The following CFAP46 variants were observed in gnomAD, a reference collection of about 807,000 sequenced individuals.
The protein encoded by CFAP46 is cilia and flagella associated protein 46, also known as cilia- and flagella-associated protein 46.
A neutral mutation model predicts 325.7 loss-of-function variants in CFAP46; 245 were observed. The observed-to-expected ratio is 0.75, with a 90% CI of 0.68 to 0.84. CFAP46 has a LOEUF of 0.84. Among genes scored for constraint, CFAP46 ranks in the 40% least tolerant of loss-of-function variants. The pLI is 0.00. For synonymous variants in CFAP46, 1,523 were observed against 1,495.9 expected, an observed-to-expected ratio of 1.02 and a Z score of -0.42; for missense variants, 3,346 against 3,543.0, an observed-to-expected ratio of 0.94 and a Z score of 1.41.
rs1001038917 is a variant in CFAP46, at chr10:132,869,895, T to C, written c.4512-523A>G. On this transcript the variant is annotated intron_variant, in intron 32 of 57. Coordinates refer to ENST00000368586, the MANE Select transcript of CFAP46 (RefSeq NM_001200049.3). The surrounding 1 kb of genome is among the most constrained non-coding windows in gnomAD (Gnocchi z 6.2). ...AACTTGCAGCCTTTCTCCCGGATCC[T>C]TCAGGGCACAGGCGCCTCCATTTAT... Among the ~76,000 whole-genome samples the C allele has an allele frequency of 2.6e-5, 4 of 152,154 alleles. No individual in the cohort carries two copies. The South Asian group carries it at 6.2e-4, about 24-fold the overall frequency.
At chr10:132,906,930 G>A (rs1354403109) in intron 22 of CFAP46, among the ~76,000 whole-genome samples, 1 of 152,274 alleles carries the variant, frequency 6.6e-6, no homozygotes, top group Non-Finnish European at 1.5e-5. Flanking sequence ...GGGGGGCCTG[G>A]TACATGGTAT....
chr10:132,939,849 G>A lies in CFAP46; in HGVS notation c.372-1096C>T, dbSNP rs762884454. Among the ~76,000 whole-genome samples, 5 of 152,126 alleles carry A rather than the reference G, an allele frequency of 3.3e-5. No individual in the cohort carries two copies. The highest frequency in any genetic ancestry group is 7.4e-5 in the Non-Finnish European group (5 of 68,006). ...TTCCCACTGTGGCCTCCACATGCCC[G>A]TGGTTGGGCTCACAGTCTCCTGTCC... On this transcript the variant is annotated intron_variant, in intron 4 of 57. Transcript: ENST00000368586. This position sits in a 1 kb window ranked among gnomAD's most constrained non-coding sequence, Gnocchi z 4.6.
chr10:132,823,471 A>AGTGCTGATGTGTGCTGT (rs1426954011), intron 50 of CFAP46, among the ~76,000 whole-genome samples: 3 of 79,980 alleles, frequency 3.8e-5, no homozygotes, highest in Non-Finnish European at 4.7e-5. Context: ...GTGCTGTGTG[A>AGTGCTGATGTGTGCTGT]GTGCTGATGT....
intron 32 of CFAP46, 114 bp downstream of exon 32, chr10:132,872,562 A>G: frequency 8.2e-7 from 1 of 1,213,874 alleles, no homozygotes; most frequent in Middle Eastern, 1.9e-4. Flanking sequence ...TTGGTGTTCA[A>G]GTCCCAGGGA....
chr10:132,934,472 C>T (rs917788740), intron 8 of CFAP46, among the ~76,000 whole-genome samples: 2 of 152,210 alleles, frequency 1.3e-5, no homozygotes, highest in African/African-American at 2.4e-5. Flanking sequence ...TGGAACGCCA[C>T]GCAGCCACCA....
rs900644894 is a variant in CFAP46, at chr10:132,868,123, G to A, written c.4611-616C>T. On this transcript the variant is annotated intron_variant, in intron 33 of 57. Transcript: ENST00000368586. ...GTCCTCTGACCTCTGACCCTCTCCC[G>A]AGGCCTGCACGCCCCTCTGCCCAGG... Among the ~76,000 whole-genome samples the A allele has an allele frequency of 4.6e-5, 7 of 152,246 alleles. 2 individuals are homozygous for A. The highest frequency in any genetic ancestry group is 4.8e-5 in the African/African-American group (2 of 41,556).
chr10:132,844,260 C>T lies in CFAP46; in HGVS notation c.6438+1797G>A, dbSNP rs1046115919. 7.9e-5 allele frequency among the ~76,000 whole-genome samples: 12 copies of T among 152,086 alleles called. No individual in the cohort carries two copies. The East Asian group carries it at 1.7e-3, about 22-fold the overall frequency. Reference sequence around the variant, plus strand: ...TCCTAGCTGCAGCGCAGTGACCTCTCCTGTCCTGGCTGCAGGCTCGCTCCT... The same window carrying T: ...TCCTAGCTGCAGCGCAGTGACCTCTTCTGTCCTGGCTGCAGGCTCGCTCCT... On this transcript the variant is annotated intron_variant, in intron 44 of 57. Coordinates refer to ENST00000368586, the MANE Select transcript of CFAP46 (RefSeq NM_001200049.3).
At chr10:132,840,924 G>C (rs1372771546) in intron 44 of CFAP46, among the ~76,000 whole-genome samples, 1 of 152,166 alleles carries the variant, frequency 6.6e-6, no homozygotes, top group Non-Finnish European at 1.5e-5. Flanking sequence ...GTCCGGGGTG[G>C]CACAGGGCAT....
rs553427965 is a variant in CFAP46 at position 132,924,827 on chromosome 10, G to T, written c.1125C>A (p.Gly375=). Residue 375 remains glycine, a synonymous_variant, in exon 11 of 58, where the codon GGC becomes GGA. Transcript: ENST00000368586. The part of the protein sequence containing the change: ...DVALQRAVRL[G]DPRVIHVVCA... ...ACACCACGTGGATGACCCGGGGGTCGCCCAGGCGCACGGCTCGCTGCAGCG... is the reference window on the plus strand; with the variant it reads ...ACACCACGTGGATGACCCGGGGGTCTCCCAGGCGCACGGCTCGCTGCAGCG... 24 of 1,455,580 alleles carry T rather than the reference G, an allele frequency of 1.6e-5. No individual in the cohort carries two copies. The South Asian group carries it at 2.3e-4, about 14-fold the overall frequency. 90.2% of individuals were successfully genotyped at this position (1,455,580 alleles called of 1,614,324 possible).
chr10:132,900,815 C>G (rs565542233), intron 22 of CFAP46, among the ~76,000 whole-genome samples: 1 of 152,370 alleles, frequency 6.6e-6, no homozygotes, highest in South Asian at 2.1e-4. Context: ...TCTGTAGCCT[C>G]AGTGACTTCC....
At chr10:132,916,455 C>T in intron 17 of CFAP46, 94 bp downstream of exon 17, 1 of 1,362,832 alleles carries the variant, frequency 7.3e-7, no homozygotes, top group Non-Finnish European at 9.7e-7. Context: ...CTTACGAATG[C>T]AAAGGGTGTC....
At chr10:132,859,272 T>C in intron 37 of CFAP46, 25 bp from the exon 38 acceptor site, 2 of 1,538,152 alleles carry the variant, frequency 1.3e-6, no homozygotes, top group Non-Finnish European at 1.8e-6. Flanking sequence ...GTTTGGGGCC[T>C]GGAGTCAGAA....
intron 48 of CFAP46, 99 bp downstream of exon 48, chr10:132,834,555 G>T: frequency 1.3e-6 from 2 of 1,511,558 alleles, no homozygotes; most frequent in African/African-American, 1.4e-5. Flanking sequence ...AAAGGCGGCC[G>T]AGAAGGCACA....
chr10:132,867,718 C>A (rs1848837468), intron 33 of CFAP46, among the ~76,000 whole-genome samples: 1 of 152,246 alleles, frequency 6.6e-6, no homozygotes, highest in Non-Finnish European at 1.5e-5. Flanking sequence ...ACTCCAAGGT[C>A]ATGTCCAGCT....
intron 12 of CFAP46, 89 bp downstream of exon 12, chr10:132,922,391 G>T: frequency 1.4e-6 from 2 of 1,453,214 alleles, no homozygotes; most frequent in South Asian, 2.8e-5. Flanking sequence ...GCCCTGGGCG[G>T]CTCCCGCCCT....
At chr10:132,901,468 T>C (rs898396008) in intron 22 of CFAP46, among the ~76,000 whole-genome samples, 10 of 152,240 alleles carry the variant, frequency 6.6e-5, no homozygotes, top group African/African-American at 2.4e-4. Context: ...GCTCTAGGGA[T>C]TGCAGTGTGC....
intron 54 of CFAP46, among the ~76,000 whole-genome samples, chr10:132,813,778 A>T (rs990485831): frequency 6.6e-6 from 1 of 152,010 alleles, no homozygotes; most frequent in Non-Finnish European, 1.5e-5. Flanking sequence ...TCTCTCCCTG[A>T]TTGCTCTGTT....
At chr10:132,820,830 G>A (rs1196940758) in intron 50 of CFAP46, among the ~76,000 whole-genome samples, 1 of 145,644 alleles carries the variant, frequency 6.9e-6, no homozygotes, top group Non-Finnish European at 1.5e-5. Flanking sequence ...TGTGTGCTGA[G>A]TGCTGATGTG....
Position 132,919,373 on chromosome 10 carries a change from C to T in CFAP46, c.1800G>A (p.Ala600=), listed in dbSNP as rs1849686465. Residue 600 remains alanine (A), a synonymous_variant, in exon 15 of 58, where the codon GCG becomes GCA. Coordinates refer to ENST00000368586, the MANE Select transcript of CFAP46 (RefSeq NM_001200049.3). The surrounding 1 kb of genome is among the most constrained non-coding windows in gnomAD (Gnocchi z 9.7). ...KQGVWDVCRT[A]SRFCLLYDNV... ...TGTCATACAGGAGGCAGAAGCGGCT[C>T]GCCGTCCGACAGACGTCCCACACGC... 3 of 1,550,116 alleles carry T rather than the reference C, an allele frequency of 1.9e-6. No homozygotes were observed. The highest frequency in any genetic ancestry group is 2.6e-6 in the Non-Finnish European group (3 of 1,146,908).
Sources: allele counts gnomAD v4.1 joint callset (sites outside exome capture counted in the v4.1 genomes callset), GRCh38; gene constraint gnomAD v4.1.1; non-coding constraint Gnocchi (gnomAD v3.1); transcripts MANE v1.5; gene names NCBI Gene and HGNC (gene_info 2026-07-23, HGNC 2026-07-21).